MACF1: variants seen among roughly 807,000 people sequenced by gnomAD.
The protein encoded by MACF1 is microtubule-actin cross-linking factor 1.
Under a neutral mutation model 854.8 loss-of-function variants are expected in MACF1, and 193 were observed. The ratio of observed to expected loss-of-function variants is 0.23; its 90% CI spans 0.20 to 0.25. The LOEUF is 0.25. MACF1 is among the 10% of genes least tolerant of loss of function. The pLI is 1.00. For synonymous variants in MACF1, 3,185 were observed against 3,226.7 expected (o/e 0.99, Z 0.44); for missense variants, 7,722 against 8,929.1 (o/e 0.86, Z 5.45).
In MACF1 at chr1:39,084,383, G is replaced by A. The variant is rs1258080952; in HGVS notation, c.165G>A (p.Arg55=). The A allele has an allele frequency of 6.2e-7, 1 of 1,613,250 alleles. No homozygotes were observed. Among genetic ancestry groups the A allele is most frequent in the African/African-American group, 1.3e-5 (1 of 74,916 alleles). ...TGCCACTGCATGAGCAGAAAAAGCG[G>A]AAAAGCCAGGATTCGGTGCTGGACC... The change falls in exon 2 of 94, where the codon CGG becomes CGA. Residue 55 remains arginine, a synonymous_variant. Transcript: ENST00000361689. The surrounding 1 kb of genome is among the most constrained non-coding windows in gnomAD (Gnocchi z 5.2).
chr1:39,242,766 C>T (rs1644940227), intron 2 of MACF1, among the ~76,000 whole-genome samples: 1 of 151,060 alleles, frequency 6.6e-6, no homozygotes. Context: ...AACTTTATGG[C>T]CAGCACAGTG....
chr1:39,483,098 A>C (rs1265189809), intron 99 of MACF1, among the ~76,000 whole-genome samples: 2 of 147,304 alleles, frequency 1.4e-5, no homozygotes, highest in Non-Finnish European at 3.0e-5. Context: ...AAAAAAAAAA[A>C]AAAAAAAAAA....
rs534004440 is a variant in MACF1 at position 39,161,869 on chromosome 1, A to G, written c.221-69313A>G. On this transcript the variant is annotated intron_variant, in intron 2 of 93. Transcript: ENST00000361689. The stretch of plus-strand genomic sequence containing the variant: ...GCGACAGAGCGAGACTCTGTCTCAA[A>G]TTAATTAATTAATAATAAAATAAAT... Among the ~76,000 whole-genome samples, 5 of 136,376 alleles carry G rather than the reference A, an allele frequency of 3.7e-5. No homozygotes were observed. In the South Asian group the frequency reaches 1.3e-3, roughly 35 times the overall value. 89.5% of individuals were successfully genotyped at this position (136,376 alleles called of 152,430 possible).
chr1:39,394,939 C>T (rs1295562070), intron 58 of MACF1, among the ~76,000 whole-genome samples: 1 of 152,156 alleles, frequency 6.6e-6, no homozygotes, highest in East Asian at 1.9e-4. Context: ...GCTGACCCTT[C>T]CTTGGCCTGT....
At chr1:39,318,231 A>G (rs535040031) in intron 29 of MACF1, among the ~76,000 whole-genome samples, 1 of 152,152 alleles carries the variant, frequency 6.6e-6, no homozygotes, top group Non-Finnish European at 1.5e-5. Context: ...GGCAGCATCC[A>G]GGGCTAGCAG....
chr1:39,324,547 C>T (rs962387610), intron 34 of MACF1, 99 bp from the exon 35 acceptor site: 20 of 1,110,668 alleles, frequency 1.8e-5, no homozygotes, highest in Non-Finnish European at 2.6e-5. Flanking sequence ...TTGACCTAAG[C>T]TGCATATTTT....
At chr1:39,311,815 A>G (rs1040355845) in intron 26 of MACF1, among the ~76,000 whole-genome samples, 1 of 152,178 alleles carries the variant, frequency 6.6e-6, no homozygotes, top group African/African-American at 2.4e-5. Context: ...TCTAATTAGA[A>G]TGGTATGAGA....
intron 82 of MACF1, 52 bp from the exon 83 acceptor site, chr1:39,447,980 GC>G: frequency 6.2e-7 from 1 of 1,612,214 alleles, no homozygotes; most frequent in Non-Finnish European, 8.5e-7. Context: ...TCTCAAACGT[GC>G]TGTATAGTGT....
intron 50 of MACF1, among the ~76,000 whole-genome samples, chr1:39,368,997 G>A (rs1295330063): frequency 1.4e-5 from 2 of 146,886 alleles, no homozygotes; most frequent in African/African-American, 5.2e-5. Flanking sequence ...GCAGTCCCCT[G>A]GCTTTTTTTT....
At chr1:39,301,639 A>G (rs1266355978) in intron 22 of MACF1, among the ~76,000 whole-genome samples, 1 of 151,410 alleles carries the variant, frequency 6.6e-6, no homozygotes, top group African/African-American at 2.4e-5. Context: ...GTTAGCCAGG[A>G]TGTTCTCGAT....
chr1:39,317,510 A>T (rs1198832390), intron 29 of MACF1, 103 bp downstream of exon 29: 8 of 1,275,874 alleles, frequency 6.3e-6, no homozygotes, highest in Non-Finnish European at 6.4e-6. Flanking sequence ...GTGGAAATGG[A>T]TAGGGAGGGG....
chr1:39,136,039 C>T (rs544669019), intron 2 of MACF1, among the ~76,000 whole-genome samples: 1 of 152,248 alleles, frequency 6.6e-6, no homozygotes, highest in African/African-American at 2.4e-5. Flanking sequence ...ACACACATAT[C>T]TCTACACACA....
chr1:39,249,270 T>C (rs1645014430), intron 2 of MACF1, among the ~76,000 whole-genome samples: 1 of 152,208 alleles, frequency 6.6e-6, no homozygotes, highest in Non-Finnish European at 1.5e-5. Context: ...TGGCAAAGAC[T>C]AAAATCAGAT....
At chr1:39,459,909 T>C (rs576058661) in intron 91 of MACF1, 1 of 1,123,946 alleles carries the variant, frequency 8.9e-7, no homozygotes, top group African/African-American at 1.6e-5. Flanking sequence ...GGTGCTTTTT[T>C]CCCCCATTCC....
intron 61 of MACF1, among the ~76,000 whole-genome samples, chr1:39,425,877 A>T (rs998903248): frequency 1.3e-5 from 2 of 152,128 alleles, no homozygotes; most frequent in Non-Finnish European, 2.9e-5. Context: ...TATCTAATGC[A>T]TATTTTTATG....
intron 56 of MACF1, among the ~76,000 whole-genome samples, chr1:39,384,016 G>A (rs766764197): frequency 1.8e-4 from 28 of 152,162 alleles, no homozygotes; most frequent in Non-Finnish European, 3.2e-4. Flanking sequence ...TTGTGACAGC[G>A]CAGAAATTTT....
chr1:39,395,048 G>A (rs936358325), intron 58 of MACF1, among the ~76,000 whole-genome samples: 8 of 152,028 alleles, frequency 5.3e-5, no homozygotes, highest in African/African-American at 1.9e-4. Context: ...TCTCAATTTC[G>A]GCACTATTGA....
intron 2 of MACF1, among the ~76,000 whole-genome samples, chr1:39,170,724 C>G (rs1033870303): frequency 6.6e-6 from 1 of 152,176 alleles, no homozygotes; most frequent in African/African-American, 2.4e-5. Context: ...AAAGCAAAGT[C>G]CTTTCCCTTG....
At position 39,327,177 on chromosome 1, in the gene MACF1, T is replaced by C. The variant is rs1304966532; in HGVS notation, c.4479-41T>C. On this transcript the variant is annotated intron_variant, in intron 35 of 100. Transcript: ENST00000564288. ...CAATAGAGCAGAGTTTGGAGATTGT[T>C]TTTTTTTCTCCTAAAAAAGCTTTAA... 2.0e-6 allele frequency: 3 copies of C among 1,514,816 alleles called. No homozygotes were observed. The Admixed American group carries it at 5.8e-5, about 29-fold the overall frequency. The allele number at this position is 1,514,816 out of a possible 1,614,324, so 93.8% of individuals were successfully genotyped here.
Sources: allele counts gnomAD v4.1 joint callset (sites outside exome capture counted in the v4.1 genomes callset), GRCh38; gene constraint gnomAD v4.1.1; non-coding constraint Gnocchi (gnomAD v3.1); transcripts MANE v1.5; gene names NCBI Gene and HGNC (gene_info 2026-07-23, HGNC 2026-07-21).